Variants in TOP6BL observed in about 807,000 individuals in gnomAD.
TOP6BL encodes type 2 DNA topoisomerase 6 subunit B-like.
At chr11:66,788,052 T>C in the TOP6BL span, 1 of 681,706 alleles carries the variant, frequency 1.5e-6, no homozygotes, top group Non-Finnish European at 2.5e-6. Context: ...GATAATCTTT[T>C]CATCAGGGAA....
the TOP6BL span, among the ~76,000 whole-genome samples, chr11:66,823,825 A>G: frequency 6.6e-6 from 1 of 152,192 alleles, no homozygotes; most frequent in Non-Finnish European, 1.5e-5. Flanking sequence ...TCAAAAAAGA[A>G]TAAGAAAAAA....
chr11:66,804,127 A>G, the TOP6BL span: 5 of 1,613,876 alleles, frequency 3.1e-6, no homozygotes, highest in Non-Finnish European at 4.2e-6. Context: ...TGACTCCAGC[A>G]GCTGCACTGT....
the TOP6BL span, chr11:66,843,135 G>C: frequency 1.9e-6 from 3 of 1,608,394 alleles, no homozygotes; most frequent in South Asian, 3.3e-5. Context: ...CCGCTGCTGA[G>C]AGGTCCTCAC....
At chr11:66,756,254 G>A in the TOP6BL span, 2 of 1,046,584 alleles carry the variant, frequency 1.9e-6, no homozygotes, top group Admixed American at 1.1e-4. Context: ...CTATAGGTCT[G>A]TTCAGGACCT....
the TOP6BL span, among the ~76,000 whole-genome samples, chr11:66,768,339 G>A: frequency 6.6e-6 from 1 of 151,826 alleles, no homozygotes; most frequent in Non-Finnish European, 1.5e-5. Flanking sequence ...CAACTCTAAG[G>A]CTCAGAATTT....
At chr11:66,813,808 A>G in the TOP6BL span, 2 of 1,499,150 alleles carry the variant, frequency 1.3e-6, no homozygotes, top group Non-Finnish European at 1.9e-6. Flanking sequence ...TTTGTTATAC[A>G]AGTGAATACA....
the TOP6BL span, among the ~76,000 whole-genome samples, chr11:66,797,077 G>A: frequency 2.0e-5 from 3 of 150,578 alleles, no homozygotes; most frequent in Admixed American, 6.7e-5. Flanking sequence ...TCGGCTCACT[G>A]CAACCTCTGC....
At chr11:66,816,292 A>G in the TOP6BL span, 24 of 1,298,698 alleles carry the variant, frequency 1.8e-5, no homozygotes, top group African/African-American at 2.7e-4. Context: ...AATTAGATAT[A>G]TTTCTGTAGA....
chr11:66,782,626 C>T, the TOP6BL span, among the ~76,000 whole-genome samples: 1 of 152,138 alleles, frequency 6.6e-6, no homozygotes, highest in African/African-American at 2.4e-5. Flanking sequence ...AATAACAGGA[C>T]TAACCTGGTG....
At chr11:66,776,348 C>G in the TOP6BL span, among the ~76,000 whole-genome samples, 1 of 152,064 alleles carries the variant, frequency 6.6e-6, no homozygotes, top group Non-Finnish European at 1.5e-5. Context: ...CATGAGCCAT[C>G]ACGCCTGGCA....
At chr11:66,757,430 T>G in the TOP6BL span, among the ~76,000 whole-genome samples, 3 of 152,160 alleles carry the variant, frequency 2.0e-5, no homozygotes, top group African/African-American at 7.2e-5. Flanking sequence ...TGTGTATCAT[T>G]TATCCAGAAT....
the TOP6BL span, among the ~76,000 whole-genome samples, chr11:66,814,789 T>TA: frequency 6.6e-6 from 1 of 152,204 alleles, no homozygotes; most frequent in African/African-American, 2.4e-5. Flanking sequence ...TAGAAAAAGT[T>TA]AAAACGCATA....
chr11:66,840,760 T>A, the TOP6BL span, among the ~76,000 whole-genome samples: 1 of 152,226 alleles, frequency 6.6e-6, no homozygotes, highest in Admixed American at 6.5e-5. Context: ...TGTGCAAAAT[T>A]TGGCACTGTA....
the TOP6BL span, among the ~76,000 whole-genome samples, chr11:66,807,527 C>G: frequency 5.3e-5 from 8 of 152,094 alleles, no homozygotes; most frequent in African/African-American, 1.9e-4. Context: ...GCCGAGATCG[C>G]GCCATTGCAC....
At chr11:66,842,850 TAC>T in the TOP6BL span, 1 of 1,564,240 alleles carries the variant, frequency 6.4e-7, no homozygotes. Context: ...TTCTCCTAGA[TAC>T]CAGCGGGCAA....
At chr11:66,828,560 A>G in the TOP6BL span, among the ~76,000 whole-genome samples, 7 of 152,304 alleles carry the variant, frequency 4.6e-5, no homozygotes, top group East Asian at 9.6e-4. Context: ...CTGGTGTCCA[A>G]TGTCTTGAAA....
At chr11:66,788,178 C>T in the TOP6BL span, 1 of 1,613,548 alleles carries the variant, frequency 6.2e-7, no homozygotes, top group South Asian at 1.1e-5. Flanking sequence ...TCCATACTGC[C>T]CGGAATCTCT....
chr11:66,805,406 C>G, the TOP6BL span, among the ~76,000 whole-genome samples: 2 of 151,494 alleles, frequency 1.3e-5, no homozygotes, highest in East Asian at 3.9e-4. Flanking sequence ...TGTCAGATTT[C>G]TATTCTATGT....
the TOP6BL span, among the ~76,000 whole-genome samples, chr11:66,785,327 CTTCT>C: frequency 6.6e-6 from 1 of 152,022 alleles, no homozygotes; most frequent in Admixed American, 6.6e-5. Flanking sequence ...TGTTTCATGG[CTTCT>C]TTTTCTTTTT....
Sources: gnomAD v4.1 joint callset for allele counts (sites outside exome capture counted in the v4.1 genomes callset) on GRCh38, gnomAD v4.1.1 for gene constraint, MANE v1.5 for transcripts, NCBI Gene and HGNC (gene_info 2026-07-23, HGNC 2026-07-21) for gene names.